The following SLC6A3 variants were observed in gnomAD, a reference collection of about 807,000 sequenced individuals.
SLC6A3 encodes solute carrier family 6 member 3.
A neutral mutation model predicts 70.4 loss-of-function variants in SLC6A3; 19 were observed. The observed-to-expected ratio is 0.27, with a 90% confidence interval of 0.19 to 0.40. The LOEUF (loss-of-function observed/expected upper bound fraction) is 0.40. SLC6A3 is among the 10% of genes least tolerant of loss of function. SLC6A3 has a pLI of 1.00. For synonymous variants in SLC6A3, 368 were observed against 356.6 expected (o/e 1.03, Z -0.36); for missense variants, 613 against 838.5 (o/e 0.73, Z 3.32).
At chr5:1,416,953 T>C (rs1756315758) in intron 6 of SLC6A3, among the ~76,000 whole-genome samples, 1 of 150,546 alleles carries the variant, frequency 6.6e-6, no homozygotes, top group Admixed American at 6.6e-5. Flanking sequence ...CAGAAAGTCA[T>C]GAACTCATCC....
chr5:1,416,135 A>C lies in SLC6A3; in HGVS notation c.994T>G (p.Phe332Val). The C allele has an allele frequency of 6.2e-7, 1 of 1,614,052 alleles. No homozygotes were observed. The highest frequency in any genetic ancestry group is 8.5e-7 in the Non-Finnish European group (1 of 1,180,002). ...LGVGFGVLIA[F>V]SSYNKFTNNC... ...TTGGTGAACTTGTTGTAGCTGGAGA[A>C]GGCGATCAGCACCCCGAACCCCACG... Residue 332 changes from phenylalanine (F) to valine (V), a missense_variant, in exon 7 of 15, where the codon TTC (phenylalanine) becomes GTC (valine). Coordinates refer to ENST00000270349, the MANE Select transcript of SLC6A3 (RefSeq NM_001044.5).
rs1756847999 is a variant in SLC6A3, at chr5:1,436,886, C to T, written c.419-4188G>A. On this transcript the variant is annotated intron_variant, in intron 3 of 14. Coordinates refer to ENST00000270349, the MANE Select transcript of SLC6A3 (RefSeq NM_001044.5). This position sits in a 1 kb window ranked among gnomAD's most constrained non-coding sequence, Gnocchi z 5.2. ...GGTGTTGTCAACGCATGCACGGATC[C>T]CGCTGGAGGAAGCCTCTGGTGGAGC... Among the ~76,000 whole-genome samples, 1 of 152,152 alleles carries T rather than the reference C, an allele frequency of 6.6e-6. No homozygotes were observed. Among genetic ancestry groups the T allele is most frequent in the Non-Finnish European group, 1.5e-5 (1 of 68,018 alleles).
At chr5:1,425,887 C>A (rs1235539198) in intron 4 of SLC6A3, among the ~76,000 whole-genome samples, 2 of 152,160 alleles carry the variant, frequency 1.3e-5, no homozygotes, top group Non-Finnish European at 2.9e-5. Flanking sequence ...AGATGGTATA[C>A]AAATGGCCAA....
At chr5:1,435,027 A>G (rs902379052) in intron 3 of SLC6A3, among the ~76,000 whole-genome samples, 4 of 152,210 alleles carry the variant, frequency 2.6e-5, no homozygotes, top group African/African-American at 9.6e-5. Context: ...ATAATTCTGT[A>G]TTGCAGTCTG....
intron 4 of SLC6A3, among the ~76,000 whole-genome samples, chr5:1,422,247 C>T (rs562141512): frequency 2.8e-4 from 43 of 152,380 alleles, no homozygotes; most frequent in Admixed American, 2.5e-3. Flanking sequence ...CCCTGCCTCA[C>T]CATCTGCCCT....
intron 4 of SLC6A3, among the ~76,000 whole-genome samples, chr5:1,428,009 T>A (rs1344471676): frequency 6.6e-6 from 1 of 152,040 alleles, no homozygotes; most frequent in Non-Finnish European, 1.5e-5. Flanking sequence ...CTCTCTGACA[T>A]TTATGCAACT....
At chr5:1,440,272 GATGAATGGATGA>G (rs1013447209) in intron 3 of SLC6A3, among the ~76,000 whole-genome samples, 6 of 152,148 alleles carry the variant, frequency 3.9e-5, no homozygotes, top group Non-Finnish European at 8.8e-5. Context: ...TCCATAGATA[GATGAATGGATGA>G]ATGAATGGAT....
At chr5:1,419,398 G>A (rs377129140) in intron 6 of SLC6A3, among the ~76,000 whole-genome samples, 27 of 151,878 alleles carry the variant, frequency 1.8e-4, no homozygotes, top group Admixed American at 1.0e-3. Flanking sequence ...CCTAATTTCT[G>A]ACATCTCATC....
intron 6 of SLC6A3, among the ~76,000 whole-genome samples, chr5:1,417,098 C>G (rs1242889010): frequency 1.3e-5 from 2 of 151,844 alleles, no homozygotes; most frequent in East Asian, 1.9e-4. Context: ...TGTGTCCCCC[C>G]ATCCCATGTG....
At chr5:1,430,714 G>A (rs868829702) in intron 4 of SLC6A3, among the ~76,000 whole-genome samples, 12 of 151,396 alleles carry the variant, frequency 7.9e-5, no homozygotes, top group Admixed American at 2.0e-4. Flanking sequence ...GAGGCTGTGC[G>A]CCCCGAAGGT....
chr5:1,443,995 G>A (rs1362238646), intron 1 of SLC6A3, among the ~76,000 whole-genome samples: 2 of 152,078 alleles, frequency 1.3e-5, no homozygotes, highest in South Asian at 4.1e-4. Flanking sequence ...ACCAAGCCTG[G>A]GCTTGTATTG....
intron 6 of SLC6A3, among the ~76,000 whole-genome samples, chr5:1,420,345 C>G (rs1258168280): frequency 6.6e-6 from 1 of 152,232 alleles, no homozygotes; most frequent in Non-Finnish European, 1.5e-5. Flanking sequence ...ATTATGTCTT[C>G]TTTTGCTGAC....
In SLC6A3 at chr5:1,401,368, G is replaced by A. The variant is rs28363142; in HGVS notation, c.1768-382C>T. 3,788 of 463,236 alleles carry A rather than the reference G, an allele frequency of 8.2e-3. 98 individuals are homozygous for A. The highest frequency in any genetic ancestry group is 0.043 in the South Asian group (2,553 of 59,948). The allele number at this position is 463,236 out of a possible 1,614,324, so 28.7% of individuals were successfully genotyped here. On this transcript the variant is annotated intron_variant, in intron 13 of 14. Transcript: ENST00000270349. The surrounding 1 kb of genome is among the most constrained non-coding windows in gnomAD (Gnocchi z 6.1). ...TGCCCACACCCAGGTGGGCTGCCTC[G>A]GGGCCACCTGCAGCTGACATATTCC...
In SLC6A3 at chr5:1,406,176, G is replaced by C. The variant is rs150170183; in HGVS notation, c.1599+12C>G. ...CAGACGGGGGAAGGGCAGGTGGCCCGAGGTCCCTTACCAGGAGAAAGCAGG... is the reference window on the plus strand; with the variant it reads ...CAGACGGGGGAAGGGCAGGTGGCCCCAGGTCCCTTACCAGGAGAAAGCAGG... On this transcript the variant is annotated intron_variant, in intron 12 of 14. Transcript: ENST00000270349. This position sits in a 1 kb window ranked among gnomAD's most constrained non-coding sequence, Gnocchi z 8.8. 4.4e-4 allele frequency: 707 copies of C among 1,600,110 alleles called. 3 individuals carry two copies. In the Middle Eastern group the frequency reaches 4.6e-3, roughly 10 times the overall value.
chr5:1,403,721 C>T (rs150366635), intron 12 of SLC6A3, among the ~76,000 whole-genome samples: 1 of 152,222 alleles, frequency 6.6e-6, no homozygotes. Context: ...CGTATCTCTA[C>T]TCATTCTAGA....
Position 1,411,092 on chromosome 5 carries a change from A to C in SLC6A3, c.1269+151T>G, listed in dbSNP as rs554680994. On this transcript the variant is annotated intron_variant, in intron 9 of 14. Transcript: ENST00000270349. This position sits in a 1 kb window ranked among gnomAD's most constrained non-coding sequence, Gnocchi z 6.5. ...CTCCAGCCCCGAGAAAGGTCTCCCAAATAATCACGGGGCTCGCCCAAGTCA... is the reference window on the plus strand; with the variant it reads ...CTCCAGCCCCGAGAAAGGTCTCCCACATAATCACGGGGCTCGCCCAAGTCA... 2 of 686,822 alleles carry C rather than the reference A, an allele frequency of 2.9e-6. No individual in the cohort carries two copies. The highest frequency in any genetic ancestry group is 5.4e-5 in the East Asian group (2 of 36,828). 42.5% of individuals were successfully genotyped at this position (686,822 alleles called of 1,614,324 possible).
intron 2 of SLC6A3, among the ~76,000 whole-genome samples, chr5:1,441,772 G>A (rs1017805175): frequency 6.6e-5 from 10 of 152,150 alleles, no homozygotes; most frequent in Non-Finnish European, 1.2e-4. Context: ...CATGCTCAGC[G>A]GTGCTCTAGG....
rs6880875 is a variant in SLC6A3, at chr5:1,406,260, C to T, written c.1527G>A (p.Gln509=). Residue 509 remains glutamine (Q), a synonymous_variant, in exon 12 of 15, where the codon CAG becomes CAA. Coordinates refer to ENST00000270349, the MANE Select transcript of SLC6A3 (RefSeq NM_001044.5). This position sits in a 1 kb window ranked among gnomAD's most constrained non-coding sequence, Gnocchi z 8.8. ...YGVGQFSDDI[Q]QMTGQRPSLY... is the part of the protein sequence containing the mutation. ...GGCTGGGCCGCTGCCCGGTCATCTG[C>T]TGGATGTCGTCGCTGAACTGCCCAA... 4.9e-3 allele frequency: 7,978 copies of T among 1,612,970 alleles called. 320 individuals carry two copies. In the African/African-American group the frequency reaches 0.09, roughly 18 times the overall value.
At chr5:1,423,084 A>AG (rs1386133284) in intron 4 of SLC6A3, among the ~76,000 whole-genome samples, 1 of 77,402 alleles carries the variant, frequency 1.3e-5, no homozygotes. Flanking sequence ...CACTGCCCAC[A>AG]GTGCTGCCCA....
Sources: gnomAD v4.1 joint callset for allele counts (sites outside exome capture counted in the v4.1 genomes callset) on GRCh38, gnomAD v4.1.1 for gene constraint, Gnocchi (gnomAD v3.1) non-coding constraint, MANE v1.5 for transcripts, NCBI Gene and HGNC (gene_info 2026-07-23, HGNC 2026-07-21) for gene names.